Variants in ATF7 observed in about 807,000 individuals in gnomAD.
ATF7 encodes cyclic AMP-dependent transcription factor ATF-7.
Under a neutral mutation model 50.4 loss-of-function variants are expected in ATF7, and 10 were observed. The ratio of observed to expected loss-of-function variants is 0.20; its 90% CI spans 0.12 to 0.34. The LOEUF (loss-of-function observed/expected upper bound fraction) is 0.34, where lower values mean the gene tolerates loss of function less well. ATF7 is among the 10% of genes least tolerant of loss of function. ATF7 has a pLI of 1.00. For missense variants in ATF7, 465 were observed against 613.9 expected (o/e 0.76, Z 2.56); for synonymous variants, 201 against 226.4 (o/e 0.89, Z 1.01).
chr12:53,540,352 C>CAAAAAAAAAA (rs575991616), intron 4 of ATF7, among the ~76,000 whole-genome samples: 1 of 78,624 alleles, frequency 1.3e-5, no homozygotes, highest in African/African-American at 4.1e-5. Flanking sequence ...GACTCCGTCT[C>CAAAAAAAAAA]AAAAAAAAAA....
At chr12:53,526,036 C>G (rs936359375) in intron 9 of ATF7, among the ~76,000 whole-genome samples, 1 of 151,778 alleles carries the variant, frequency 6.6e-6, no homozygotes, top group Admixed American at 6.6e-5. Context: ...CATGGAGAAA[C>G]CCCATCTCTA....
chr12:53,516,837 C>A lies in ATF7; in HGVS notation c.*300G>T. 1 of 392,324 alleles carries A rather than the reference C, an allele frequency of 2.5e-6. No homozygotes were observed. The highest frequency in any genetic ancestry group is 4.8e-6 in the Non-Finnish European group (1 of 209,246). 24.3% of individuals were successfully genotyped at this position (392,324 alleles called of 1,614,324 possible). ...GTTAGTGTTAAAAGAGACAGATACA[C>A]GTGCATGGGGCAGGGGTGATTGTTC... On this transcript the variant is annotated 3_prime_UTR_variant, in exon 12 of 12. Transcript: ENST00000420353.
At chr12:53,613,825 C>G (rs1248988782) in intron 1 of ATF7, among the ~76,000 whole-genome samples, 2 of 142,068 alleles carry the variant, frequency 1.4e-5, no homozygotes, top group Admixed American at 7.3e-5. Context: ...CTAGGCCTGG[C>G]CCTCAATAAT....
rs761829600 is a variant in ATF7, at chr12:53,534,624, G to C, written c.438C>G (p.Pro146=). The C allele has an allele frequency of 1.4e-5, 23 of 1,613,006 alleles. 2 individuals carry two copies. The South Asian group carries it at 2.5e-4, about 18-fold the overall frequency. ...AGCCAGGACGTACAATGGTGGGTGT[G>C]GGGGTAGAGATCAGAACAGGCTTTG... is the stretch of plus-strand genomic sequence containing the variant. ...VTPKPVLIST[P]TPTIVRPGSL... is the part of the protein sequence containing the mutation. Residue 146 remains proline (P), a synonymous_variant, in exon 6 of 12, where the codon CCC becomes CCG. Transcript: ENST00000420353.
chr12:53,570,742 T>TGTGC (rs2137621660), intron 2 of ATF7, among the ~76,000 whole-genome samples: 1 of 46,042 alleles, frequency 2.2e-5, no homozygotes, highest in South Asian at 9.2e-4. Context: ...TGTGCGTGTG[T>TGTGC]GTGTGTGTGT....
chr12:53,599,200 AT>A (rs1185803241), intron 2 of ATF7, among the ~76,000 whole-genome samples: 1 of 151,760 alleles, frequency 6.6e-6, no homozygotes, highest in Non-Finnish European at 1.5e-5. Flanking sequence ...TGCCTGGCTA[AT>A]TTTTAAATTT....
intron 1 of ATF7, among the ~76,000 whole-genome samples, chr12:53,622,182 C>A (rs983440996): frequency 5.3e-5 from 8 of 151,778 alleles, no homozygotes; most frequent in Non-Finnish European, 7.4e-5. Flanking sequence ...GGCACCTGTA[C>A]TCCCAGCTAC....
intron 8 of ATF7, 100 bp downstream of exon 8, chr12:53,532,410 C>T: frequency 1.0e-6 from 1 of 958,224 alleles, no homozygotes; most frequent in Non-Finnish European, 1.6e-6. Flanking sequence ...CTTTGCAAGC[C>T]CCAGAAGGTT....
intron 1 of ATF7, among the ~76,000 whole-genome samples, chr12:53,609,458 G>C (rs1241519649): frequency 8.5e-6 from 1 of 117,410 alleles, no homozygotes; most frequent in African/African-American, 3.3e-5. Flanking sequence ...CTGGCCACGA[G>C]ACCCTGTTTC....
At chr12:53,518,679 T>C (rs1025412025) in intron 11 of ATF7, among the ~76,000 whole-genome samples, 5 of 152,088 alleles carry the variant, frequency 3.3e-5, no homozygotes, top group Admixed American at 3.3e-4. Flanking sequence ...AACAGAAATA[T>C]GTGGAAAAAA....
chr12:53,617,804 G>T (rs11170612), intron 1 of ATF7, among the ~76,000 whole-genome samples: 27,771 of 151,296 alleles, frequency 0.18, 3,095 homozygotes, highest in East Asian at 0.56. Context: ...CTTCATTTCC[G>T]AGGAAGTGAT....
intron 2 of ATF7, among the ~76,000 whole-genome samples, chr12:53,562,375 C>T (rs535249873): frequency 1.3e-5 from 2 of 152,332 alleles, no homozygotes; most frequent in East Asian, 1.9e-4. Flanking sequence ...CACGGTGGCT[C>T]ACGCCTGTAA....
chr12:53,614,144 G>GT (rs905290610), intron 1 of ATF7, among the ~76,000 whole-genome samples: 25 of 151,544 alleles, frequency 1.6e-4, no homozygotes, highest in South Asian at 2.1e-4. Context: ...ACTACTTGAA[G>GT]TTTTTTTTTA....
chr12:53,551,696 G>T (rs1940365314), intron 3 of ATF7, among the ~76,000 whole-genome samples: 1 of 152,090 alleles, frequency 6.6e-6, no homozygotes, highest in African/African-American at 2.4e-5. Context: ...CCATGTCTAT[G>T]GTAGCATTTT....
chr12:53,543,512 A>T lies in ATF7; in HGVS notation c.146-64T>A. The T allele has an allele frequency of 2.1e-6, 3 of 1,432,366 alleles. No homozygotes were observed. The South Asian group carries it at 3.9e-5, about 19-fold the overall frequency. The allele number at this position is 1,432,366 out of a possible 1,614,324, so 88.7% of individuals were successfully genotyped here. A position where few individuals can be genotyped will look rare whatever the true frequency, so the allele number is the denominator to read the frequency against. On this transcript the variant is annotated intron_variant, in intron 3 of 11. Transcript: ENST00000420353. ...ATCTGAAATTAAAACTTGATATTAA[A>T]TAGTATATAGAGAATGCATTTGTAC...
chr12:53,529,277 G>A (rs979219215), intron 9 of ATF7, among the ~76,000 whole-genome samples: 81 of 152,154 alleles, frequency 5.3e-4, no homozygotes, highest in Non-Finnish European at 8.4e-4. Flanking sequence ...TCGGCTCACC[G>A]CAACCTCCGC....
At position 53,517,127 on chromosome 12, in the gene ATF7, A is replaced by G; in HGVS notation, c.*10T>C. 6.2e-7 allele frequency: 1 copy of G among 1,608,638 alleles called. No homozygotes were observed. The highest frequency in any genetic ancestry group is 8.5e-7 in the Non-Finnish European group (1 of 1,179,736). On this transcript the variant is annotated 3_prime_UTR_variant, in exon 12 of 12. Transcript: ENST00000420353. ...AGCTCTGGCTGAGGACCTCTCCACC[A>G]GAGGAGGCATCATCTGCCCGCAGAC...
At chr12:53,577,439 G>A (rs1942136456) in intron 2 of ATF7, among the ~76,000 whole-genome samples, 1 of 151,858 alleles carries the variant, frequency 6.6e-6, no homozygotes, top group African/African-American at 2.4e-5. Flanking sequence ...ACACACGGCC[G>A]GGCGCGGTGG....
chr12:53,607,051 G>C (rs997019016), intron 1 of ATF7, among the ~76,000 whole-genome samples: 1 of 152,162 alleles, frequency 6.6e-6, no homozygotes, highest in African/African-American at 2.4e-5. Flanking sequence ...ATAGCAGCAT[G>C]ATTTATAATC....
Sources: allele counts gnomAD v4.1 joint callset (sites outside exome capture counted in the v4.1 genomes callset), GRCh38; gene constraint gnomAD v4.1.1; transcripts MANE v1.5; gene names NCBI Gene and HGNC (gene_info 2026-07-23, HGNC 2026-07-21).